Variants in NRG4 observed in about 807,000 individuals in gnomAD.
NRG4 encodes the protein neuregulin 4.
NRG4 carries 10 observed loss-of-function variants against 15.0 expected under a neutral mutation model. The ratio of observed to expected loss-of-function variants is 0.67; its 90% CI spans 0.41 to 1.13. NRG4 has a LOEUF of 1.13. NRG4 is among the 50% of genes most tolerant of loss of function. The pLI is 0.00. For missense variants in NRG4, 139 were observed against 140.2 expected, an observed-to-expected ratio of 0.99 and a Z score of 0.04; for synonymous variants, 41 against 50.1, an observed-to-expected ratio of 0.82 and a Z score of 0.77.
chr15:75,988,269 T>C (rs920607429), intron 3 of NRG4, among the ~76,000 whole-genome samples: 3 of 152,170 alleles, frequency 2.0e-5, no homozygotes, highest in Non-Finnish European at 2.9e-5. Context: ...CACTGCAACC[T>C]CCACCTCCCG....
chr15:76,055,739 T>A (rs749248439), intron 2 of NRG4, among the ~76,000 whole-genome samples: 53 of 152,228 alleles, frequency 3.5e-4, no homozygotes, highest in Admixed American at 2.3e-3. Flanking sequence ...TTGTTTAAAA[T>A]CCAGATCCAT....
At chr15:76,054,670 T>C (rs921463583) in intron 2 of NRG4, among the ~76,000 whole-genome samples, 3 of 152,216 alleles carry the variant, frequency 2.0e-5, no homozygotes, top group African/African-American at 7.2e-5. Flanking sequence ...ATCATTTTTT[T>C]ATTACCTCTT....
intron 5 of NRG4, among the ~76,000 whole-genome samples, chr15:76,023,201 A>G (rs7174280): frequency 0.037 from 5,505 of 149,902 alleles, 178 homozygotes; most frequent in African/African-American, 0.084. Context: ...GACCAAGGCA[A>G]TGAATAAAGA....
chr15:75,944,010 G>GA (rs2031273771), intron 5 of NRG4, among the ~76,000 whole-genome samples: 1 of 152,068 alleles, frequency 6.6e-6, no homozygotes, highest in African/African-American at 2.4e-5. Flanking sequence ...TGGTTGAGGG[G>GA]AAAAGATTGC....
At chr15:76,054,857 T>G (rs62027652) in intron 2 of NRG4, among the ~76,000 whole-genome samples, 31,186 of 152,204 alleles carry the variant, frequency 0.2, 3,927 homozygotes, top group Non-Finnish European at 0.27. Context: ...CATATGCCAA[T>G]GTACTGGTTT....
chr15:75,975,167 T>G (rs2033308959), intron 3 of NRG4, among the ~76,000 whole-genome samples: 1 of 152,176 alleles, frequency 6.6e-6, no homozygotes, highest in Admixed American at 6.5e-5. Flanking sequence ...AGACTAAGAT[T>G]GTAACCCCTT....
intron 5 of NRG4, among the ~76,000 whole-genome samples, chr15:76,023,323 C>T (rs1386087570): frequency 1.4e-4 from 21 of 151,508 alleles, no homozygotes; most frequent in Admixed American, 1.1e-3. Flanking sequence ...TTGGAAGCAA[C>T]GGAGAGTCAT....
In NRG4 at chr15:75,962,554, G is replaced by A. The variant is rs186291975; in HGVS notation, c.105-580C>T. Reference sequence around the variant, plus strand: ...TTATAATATATTTGAATATCTGGTAGTTCTACTCTACTCCTTATTACTTTT... The same window carrying A: ...TTATAATATATTTGAATATCTGGTAATTCTACTCTACTCCTTATTACTTTT... On this transcript the variant is annotated intron_variant, in intron 3 of 5. Coordinates refer to ENST00000394907, the MANE Select transcript of NRG4 (RefSeq NM_138573.4). Among the ~76,000 whole-genome samples the A allele has an allele frequency of 6.6e-5, 10 of 152,264 alleles. No individual in the cohort carries two copies. The East Asian group carries it at 1.7e-3, about 26-fold the overall frequency.
intron 4 of NRG4, among the ~76,000 whole-genome samples, chr15:76,043,002 A>G (rs113003167): frequency 0.013 from 1,964 of 152,340 alleles, 40 homozygotes; most frequent in African/African-American, 0.046. Flanking sequence ...ATGGTTCAAC[A>G]TACACAAATC....
At chr15:75,990,669 TTG>T (rs2033974143) in intron 3 of NRG4, among the ~76,000 whole-genome samples, 1 of 115,812 alleles carries the variant, frequency 8.6e-6, no homozygotes, top group Non-Finnish European at 2.0e-5. Context: ...TAGTTGGTAA[TTG>T]TTTTTTTTTT....
chr15:75,961,743 C>T, intron 4 of NRG4, 85 bp downstream of exon 4: 1 of 928,488 alleles, frequency 1.1e-6, no homozygotes, highest in Non-Finnish European at 1.7e-6. Context: ...GGAAAAATAT[C>T]TAGAACTAAG....
At chr15:75,964,719 A>G (rs1427722004) in intron 3 of NRG4, among the ~76,000 whole-genome samples, 1 of 151,964 alleles carries the variant, frequency 6.6e-6, no homozygotes, top group Non-Finnish European at 1.5e-5. Flanking sequence ...TGAGCCCAGG[A>G]GTTTGAGACC....
chr15:75,978,408 A>G (rs2033459476), intron 3 of NRG4, among the ~76,000 whole-genome samples: 1 of 152,128 alleles, frequency 6.6e-6, no homozygotes, highest in African/African-American at 2.4e-5. Flanking sequence ...ATAATATTCT[A>G]TTGTGTCTAT....
intron 3 of NRG4, among the ~76,000 whole-genome samples, chr15:75,994,051 G>C (rs1160252189): frequency 6.6e-6 from 1 of 151,842 alleles, no homozygotes; most frequent in Non-Finnish European, 1.5e-5. Context: ...ATCTTCATAT[G>C]TCTAGTCATT....
upstream of NRG4, among the ~76,000 whole-genome samples, chr15:76,014,043 A>T (rs2034899049): frequency 6.6e-6 from 1 of 152,164 alleles, no homozygotes; most frequent in African/African-American, 2.4e-5. Flanking sequence ...TCTAACTGGC[A>T]TGAGATGGTA....
intron 4 of NRG4, among the ~76,000 whole-genome samples, chr15:76,050,737 C>T (rs2035984966): frequency 6.8e-6 from 1 of 147,070 alleles, no homozygotes; most frequent in South Asian, 2.1e-4. Context: ...AGCCACCGTG[C>T]CCAGCCGAGC....
chr15:75,973,727 G>A (rs1463900616), intron 3 of NRG4, among the ~76,000 whole-genome samples: 7 of 152,108 alleles, frequency 4.6e-5, no homozygotes, highest in South Asian at 2.1e-4. Context: ...TGACTTGATC[G>A]TGGTGGATAA....
chr15:75,939,005 CAAAA>C (rs1168040238), downstream of NRG4: 2 of 151,882 alleles, frequency 1.3e-5, no homozygotes, highest in African/African-American at 2.4e-5. Flanking sequence ...CATTAAAAAA[CAAAA>C]AAGACCTCAT....
rs190260221 is a variant in NRG4 at position 76,053,917 on chromosome 15, G to A, written c.-261-934C>T. On this transcript the variant is annotated intron_variant, in intron 2 of 8. Coordinates refer to the NRG4 transcript ENST00000563910. ...GTTTTCAATACATGTATATGTACTC[G>A]CTGATATTCCATTTTGGCACGTGAA... is the stretch of plus-strand genomic sequence containing the variant. 3.3e-4 allele frequency among the ~76,000 whole-genome samples: 50 copies of A among 150,846 alleles called. 5 individuals are homozygous for A. Among genetic ancestry groups the A allele is most frequent in the African/African-American group, 7.7e-4 (31 of 40,402 alleles).
Sources: gnomAD v4.1 joint callset for allele counts (sites outside exome capture counted in the v4.1 genomes callset) on GRCh38, gnomAD v4.1.1 for gene constraint, MANE v1.5 for transcripts, NCBI Gene and HGNC (gene_info 2026-07-23, HGNC 2026-07-21) for gene names.